The following MTFR1 variants were observed in gnomAD, a reference collection of about 807,000 sequenced individuals.
The protein encoded by MTFR1 is mitochondrial fission regulator 1, also known as chondrocyte protein with a poly-proline region.
MTFR1 carries 28 observed loss-of-function variants against 38.8 expected under a neutral mutation model. That is an observed-to-expected ratio of 0.72 (90% CI 0.53 to 0.99). MTFR1 has a LOEUF of 0.99. Among genes scored for constraint, MTFR1 ranks in the 50% least tolerant of loss-of-function variants. The pLI, the probability that MTFR1 is intolerant of heterozygous loss-of-function variation, is 0.00. For synonymous variants in MTFR1, 145 were observed against 137.0 expected (o/e 1.06, Z -0.41); for missense variants, 358 against 395.5 (o/e 0.91, Z 0.81).
At chr8:65,679,872 C>T (rs1202116191) in intron 2 of MTFR1, among the ~76,000 whole-genome samples, 1 of 152,116 alleles carries the variant, frequency 6.6e-6, no homozygotes, top group Non-Finnish European at 1.5e-5. Flanking sequence ...TTCAGAGTAA[C>T]TTTGCTTCTT....
At chr8:65,746,204 G>T (rs1422413721) in intron 3 of MTFR1, among the ~76,000 whole-genome samples, 1 of 151,798 alleles carries the variant, frequency 6.6e-6, no homozygotes, top group Non-Finnish European at 1.5e-5. Context: ...AACGTGCTAG[G>T]ATTACAGGCA....
intron 3 of MTFR1, among the ~76,000 whole-genome samples, chr8:65,763,279 A>G (rs528023712): frequency 6.6e-6 from 1 of 152,280 alleles, no homozygotes; most frequent in South Asian, 2.1e-4. Flanking sequence ...AAACCCTATA[A>G]AAAGGTTACA....
At chr8:65,648,877 C>T (rs1232855664) in intron 1 of MTFR1, among the ~76,000 whole-genome samples, 1 of 151,932 alleles carries the variant, frequency 6.6e-6, no homozygotes, top group African/African-American at 2.4e-5. Flanking sequence ...GGTTGGAGTG[C>T]AGTGATGCTA....
intron 2 of MTFR1, among the ~76,000 whole-genome samples, chr8:65,717,014 A>G (rs981102678): frequency 6.6e-6 from 1 of 152,216 alleles, no homozygotes; most frequent in Non-Finnish European, 1.5e-5. Context: ...GATTTCAAAG[A>G]CTTAGTACCC....
chr8:65,673,887 C>T lies in MTFR1; in HGVS notation c.66+3869C>T, dbSNP rs186355489. 9.0e-4 allele frequency among the ~76,000 whole-genome samples: 136 copies of T among 151,922 alleles called. 1 individual carries two copies. The highest frequency in any genetic ancestry group is 3.2e-3 in the African/African-American group (132 of 41,420). ...TGCCACTGCACTCCAGCCTGGGCAA[C>T]AGAGCAAGACCCCGTCTCAAAAAAA... On this transcript the variant is annotated intron_variant, in intron 2 of 7. Transcript: ENST00000262146.
At chr8:65,646,796 C>T (rs1375253110) in intron 1 of MTFR1, among the ~76,000 whole-genome samples, 1 of 152,172 alleles carries the variant, frequency 6.6e-6, no homozygotes, top group Non-Finnish European at 1.5e-5. Context: ...TAGCACATAG[C>T]ATATATTGGA....
chr8:65,771,884 C>CAAAAAA (rs36101490), downstream of MTFR1, among the ~76,000 whole-genome samples: 21 of 55,518 alleles, frequency 3.8e-4, no homozygotes, highest in Admixed American at 7.3e-4. Flanking sequence ...CTCCATCTCT[C>CAAAAAA]AAAAAAAAAA....
chr8:65,773,394 T>A (rs1009356271), downstream of MTFR1, among the ~76,000 whole-genome samples: 2 of 152,196 alleles, frequency 1.3e-5, no homozygotes, highest in African/African-American at 2.4e-5. Flanking sequence ...AACTTACACA[T>A]TTGTCACCTT....
exon 3 of MTFR1, chr8:65,719,429 G>C (rs778126604): frequency 5.5e-5 from 88 of 1,613,950 alleles, no homozygotes; most frequent in Non-Finnish European, 7.1e-5. Flanking sequence ...CATTGTCTGG[G>C]ATAGCCTTGT....
intron 3 of MTFR1, chr8:65,727,003 C>T (rs369464826): frequency 3.0e-5 from 36 of 1,182,660 alleles, no homozygotes; most frequent in South Asian, 1.4e-4. Context: ...CTTAATGATA[C>T]GTCTCTTTCT....
intron 3 of MTFR1, among the ~76,000 whole-genome samples, chr8:65,756,892 T>C (rs1300830446): frequency 2.0e-5 from 3 of 152,092 alleles, no homozygotes; most frequent in Non-Finnish European, 4.4e-5. Context: ...TCCTCCAGGA[T>C]TGTTTATTTT....
downstream of MTFR1, among the ~76,000 whole-genome samples, chr8:65,711,303 A>T (rs889188419): frequency 5.9e-5 from 9 of 152,160 alleles, no homozygotes; most frequent in African/African-American, 1.9e-4. Context: ...TTTCTGTATT[A>T]GGAATGCCTA....
chr8:65,724,771 T>C, intron 3 of MTFR1: 1 of 1,600,096 alleles, frequency 6.2e-7, no homozygotes, highest in Non-Finnish European at 8.5e-7. Context: ...CCAAGCCCCA[T>C]TTTACCTGTA....
chr8:65,663,603 A>G (rs1804277232), intron 1 of MTFR1, among the ~76,000 whole-genome samples: 1 of 150,632 alleles, frequency 6.6e-6, no homozygotes, highest in African/African-American at 2.4e-5. Context: ...TACCCCCAAA[A>G]TGTGAAGAAA....
chr8:65,661,905 A>C (rs1041068321), intron 1 of MTFR1, among the ~76,000 whole-genome samples: 13 of 152,118 alleles, frequency 8.5e-5, no homozygotes, highest in Non-Finnish European at 1.6e-4. Context: ...TGGAGAATGC[A>C]ATGAGCTGAG....
chr8:65,670,057 AG>A, intron 2 of MTFR1, 39 bp downstream of exon 2: 1 of 1,520,414 alleles, frequency 6.6e-7, no homozygotes, highest in South Asian at 1.2e-5. Context: ...CCCGACATTT[AG>A]ATATTTTAAG....
chr8:65,766,213 T>C (rs925046274), intron 3 of MTFR1, among the ~76,000 whole-genome samples: 1 of 152,246 alleles, frequency 6.6e-6, no homozygotes, highest in Non-Finnish European at 1.5e-5. Context: ...CCCAAAGTGC[T>C]GGGATTACAG....
At chr8:65,771,375 C>A, downstream of MTFR1, 1 of 152,194 alleles carries the variant, frequency 6.6e-6, no homozygotes, top group Non-Finnish European at 1.5e-5. Context: ...ATTTCAACAT[C>A]TAAAAAAAAA....
chr8:65,769,172 A>T (rs1253666866), intron 3 of MTFR1, among the ~76,000 whole-genome samples: 1 of 148,242 alleles, frequency 6.7e-6, no homozygotes, highest in Non-Finnish European at 1.5e-5. Flanking sequence ...TGCTTGAACC[A>T]GGGAGTTGGT....
Sources: gnomAD v4.1 joint callset for allele counts (sites outside exome capture counted in the v4.1 genomes callset) on GRCh38, gnomAD v4.1.1 for gene constraint, MANE v1.5 for transcripts, NCBI Gene and HGNC (gene_info 2026-07-23, HGNC 2026-07-21) for gene names.